PHIP: variants seen among roughly 807,000 people sequenced by gnomAD.
PHIP encodes PH-interacting protein.
PHIP carries 54 observed loss-of-function variants against 236.8 expected under a neutral mutation model. The observed-to-expected ratio is 0.23, with a 90% CI of 0.18 to 0.29. PHIP has a LOEUF of 0.29. PHIP is among the 10% of genes least tolerant of loss of function. The probability of loss-of-function intolerance (pLI) is 1.00; values close to 1 mark genes in which losing one functional copy is unlikely to be tolerated. For missense variants in PHIP, 1,370 were observed against 2,190.8 expected (o/e 0.63, Z 7.48); for synonymous variants, 756 against 718.9 (o/e 1.05, Z -0.83).
At chr6:79,027,140 C>T (rs1267224673) in intron 7 of PHIP, among the ~76,000 whole-genome samples, 1 of 152,084 alleles carries the variant, frequency 6.6e-6, no homozygotes, top group Non-Finnish European at 1.5e-5. Flanking sequence ...ATAATTCAGA[C>T]AACTTTCTGC....
At chr6:79,037,883 C>A (rs185407110) in intron 7 of PHIP, among the ~76,000 whole-genome samples, 1 of 152,120 alleles carries the variant, frequency 6.6e-6, no homozygotes, top group African/African-American at 2.4e-5. Flanking sequence ...TAAAAAATAA[C>A]AACAAAGGCA....
chr6:79,073,185 A>G (rs1436319085), intron 4 of PHIP, among the ~76,000 whole-genome samples: 1 of 152,242 alleles, frequency 6.6e-6, no homozygotes, highest in African/African-American at 2.4e-5. Context: ...AAAAGTTTGT[A>G]AATGCCTCAA....
chr6:79,060,919 T>C, intron 4 of PHIP, 101 bp from the exon 5 acceptor site: 2 of 731,058 alleles, frequency 2.7e-6, no homozygotes, highest in Non-Finnish European at 4.3e-6. Context: ...TAAAATATTT[T>C]GTTTTGCGTC....
At position 78,961,960 on chromosome 6, in the gene PHIP, A is replaced by C. The variant is rs996717197; in HGVS notation, c.3536-150T>G. The C allele has an allele frequency of 6.6e-6, 4 of 609,524 alleles. No homozygotes were observed. In the African/African-American group the frequency reaches 7.5e-5, roughly 11 times the overall value. The allele number at this position is 609,524 out of a possible 1,614,324, so 37.8% of individuals were successfully genotyped here. ...TCATAAACAATATAGTGTAGCTGAC[A>C]TAAAGAGTCTCACTTTTTATTATGT... On this transcript the variant is annotated intron_variant, in intron 30 of 39. Transcript: ENST00000275034.
Position 78,998,357 on chromosome 6 carries a change from C to T in PHIP, c.1914G>A (p.Gln638=). 1 of 1,613,750 alleles carries T rather than the reference C, an allele frequency of 6.2e-7. No individual in the cohort carries two copies. Among genetic ancestry groups the T allele is most frequent in the Non-Finnish European group, 8.5e-7 (1 of 1,179,756 alleles). ...TCATGCTGTCCAGTGGGCTGATCTC[C>T]TGGTTTGCTTGCTGACTTAAAACTT... is the stretch of plus-strand genomic sequence containing the variant. ...LNQVLSQQAN[Q]EISPLDSMIQ... The change falls in exon 18 of 40, where the codon CAG becomes CAA. Residue 638 remains glutamine (Q), a synonymous_variant. Transcript: ENST00000275034.
In PHIP at chr6:79,026,251, A is replaced by G. The variant is rs1027840400; in HGVS notation, c.601-87T>C. 6 of 903,126 alleles carry G rather than the reference A, an allele frequency of 6.6e-6. No individual in the cohort carries two copies. In the African/African-American group the frequency reaches 1.0e-4, roughly 15 times the overall value. The allele number at this position is 903,126 out of a possible 1,614,324, so 55.9% of individuals were successfully genotyped here. ...ACTGATAAATCTACCTGTTCTGTCCACTTCTGAACAAGTATATTTTTAAAT... is the reference window on the plus strand; with the variant it reads ...ACTGATAAATCTACCTGTTCTGTCCGCTTCTGAACAAGTATATTTTTAAAT... On this transcript the variant is annotated intron_variant, in intron 7 of 39. Coordinates refer to ENST00000275034, the MANE Select transcript of PHIP (RefSeq NM_017934.7).
chr6:78,961,018 A>G (rs1766742946), intron 31 of PHIP, among the ~76,000 whole-genome samples: 1 of 151,972 alleles, frequency 6.6e-6, no homozygotes, highest in Non-Finnish European at 1.5e-5. Flanking sequence ...ATAAAAATTA[A>G]AACTAAAAAC....
intron 39 of PHIP, among the ~76,000 whole-genome samples, chr6:78,943,182 C>T (rs117830555): frequency 0.037 from 5,589 of 152,118 alleles, 102 homozygotes; most frequent in Middle Eastern, 0.058. Context: ...TTTAAAATTA[C>T]ATATATGGCT....
chr6:79,064,028 C>G (rs1449611521), intron 4 of PHIP, among the ~76,000 whole-genome samples: 2 of 152,042 alleles, frequency 1.3e-5, no homozygotes, highest in Non-Finnish European at 2.9e-5. Flanking sequence ...TACAGGAGAA[C>G]CTTTTTTAAA....
At chr6:78,957,478 T>C (rs1766499652) in intron 32 of PHIP, 1 of 151,862 alleles carries the variant, frequency 6.6e-6, no homozygotes, top group South Asian at 2.1e-4. Flanking sequence ...GTTTGGTGTT[T>C]TCTTATACTG....
intron 20 of PHIP, among the ~76,000 whole-genome samples, chr6:78,989,293 G>A (rs1279190324): frequency 6.6e-6 from 1 of 152,070 alleles, no homozygotes; most frequent in Non-Finnish European, 1.5e-5. Flanking sequence ...AGGCATGGTG[G>A]TATAAACCTA....
intron 7 of PHIP, among the ~76,000 whole-genome samples, chr6:79,031,630 A>C (rs938836024): frequency 3.9e-5 from 6 of 152,226 alleles, no homozygotes; most frequent in South Asian, 2.1e-4. Flanking sequence ...ACCTGAAAAA[A>C]ACACACATAT....
rs142740429 is a variant in PHIP at position 78,999,182 on chromosome 6, G to C, written c.1880-791C>G. Reference sequence around the variant, plus strand: ...GAAACTTGTATTTTAATCCATCCAAGTTTTCCAGCATTAATTCTTACTTGT... The same window carrying C: ...GAAACTTGTATTTTAATCCATCCAACTTTTCCAGCATTAATTCTTACTTGT... On this transcript the variant is annotated intron_variant, in intron 17 of 39. Transcript: ENST00000275034. Among the ~76,000 whole-genome samples, 97 of 152,284 alleles carry C rather than the reference G, an allele frequency of 6.4e-4. 1 individual carries two copies. The South Asian group carries it at 8.1e-3, about 13-fold the overall frequency.
chr6:78,991,493 A>C (rs1347931437), intron 19 of PHIP, among the ~76,000 whole-genome samples: 2 of 152,200 alleles, frequency 1.3e-5, no homozygotes, highest in East Asian at 1.9e-4. Context: ...CAAACCATCA[A>C]GGTGAAACTG....
chr6:79,015,553 C>G, intron 14 of PHIP, 77 bp downstream of exon 14: 3 of 1,122,468 alleles, frequency 2.7e-6, no homozygotes, highest in Non-Finnish European at 2.6e-6. Context: ...ACATAAAAGA[C>G]TTTATTCCTC....
chr6:78,950,475 G>A (rs780604384), intron 35 of PHIP, among the ~76,000 whole-genome samples: 2 of 152,116 alleles, frequency 1.3e-5, no homozygotes, highest in Non-Finnish European at 2.9e-5. Flanking sequence ...TCCAGGACTA[G>A]ACATTTGTTT....
At chr6:78,954,585 G>T (rs1766289017) in intron 35 of PHIP, among the ~76,000 whole-genome samples, 1 of 152,054 alleles carries the variant, frequency 6.6e-6, no homozygotes, top group African/African-American at 2.4e-5. Flanking sequence ...TGCACAACTA[G>T]TAGGAACAGA....
At chr6:79,013,314 G>T (rs1562178709) in intron 15 of PHIP, among the ~76,000 whole-genome samples, 1 of 151,526 alleles carries the variant, frequency 6.6e-6, no homozygotes, top group African/African-American at 2.4e-5. Context: ...CTCACTTTCT[G>T]TTTTTTAGCT....
chr6:78,992,038 T>G (rs1241841223), intron 19 of PHIP, among the ~76,000 whole-genome samples: 1 of 150,942 alleles, frequency 6.6e-6, no homozygotes. Context: ...CTCGGCTCAC[T>G]GCAGGCTCTG....
Sources: allele counts gnomAD v4.1 joint callset (sites outside exome capture counted in the v4.1 genomes callset), GRCh38; gene constraint gnomAD v4.1.1; transcripts MANE v1.5; gene names NCBI Gene and HGNC (gene_info 2026-07-23, HGNC 2026-07-21).